VAV3: variants seen among roughly 807,000 people sequenced by gnomAD.
VAV3 encodes guanine nucleotide exchange factor VAV3.
Under a neutral mutation model 131.2 loss-of-function variants are expected in VAV3, and 94 were observed. That is an observed-to-expected ratio of 0.72 (90% confidence interval 0.61 to 0.85). VAV3 has a LOEUF of 0.85. Among genes scored for constraint, VAV3 ranks in the 40% least tolerant of loss-of-function variants. The pLI is 0.00. For synonymous variants in VAV3, 349 were observed against 342.0 expected (o/e 1.02, Z -0.22); for missense variants, 939 against 1,002.7 (o/e 0.94, Z 0.86).
chr1:107,727,500 C>A (rs1272888370), intron 15 of VAV3, among the ~76,000 whole-genome samples: 1 of 152,168 alleles, frequency 6.6e-6, no homozygotes, highest in Non-Finnish European at 1.5e-5. Flanking sequence ...TTTATGAAAT[C>A]AGGTTTATTG....
At chr1:107,873,799 G>A (rs439278) in intron 2 of VAV3, among the ~76,000 whole-genome samples, 31,221 of 151,946 alleles carry the variant, frequency 0.21, 4,524 homozygotes, top group African/African-American at 0.41. Context: ...CCTGATGCCT[G>A]AGAAGGCTGG....
intron 1 of VAV3, among the ~76,000 whole-genome samples, chr1:107,908,164 G>C (rs548656319): frequency 6.6e-6 from 1 of 152,322 alleles, no homozygotes; most frequent in African/African-American, 2.4e-5. Context: ...TTTTGGCTTA[G>C]GTTCTGTGGA....
At chr1:107,848,797 G>A (rs540811896) in intron 2 of VAV3, among the ~76,000 whole-genome samples, 1 of 152,286 alleles carries the variant, frequency 6.6e-6, no homozygotes, top group Non-Finnish European at 1.5e-5. Context: ...TCTGTTTGCA[G>A]ATGATATGAT....
At chr1:107,784,479 T>C (rs1049404259) in intron 2 of VAV3, among the ~76,000 whole-genome samples, 2 of 152,224 alleles carry the variant, frequency 1.3e-5, no homozygotes, top group Non-Finnish European at 2.9e-5. Flanking sequence ...GATTTTGCTA[T>C]AGGAAAGATT....
intron 13 of VAV3, 23 bp downstream of exon 13, chr1:107,751,094 A>C (rs377490158): frequency 6.3e-7 from 1 of 1,596,624 alleles, no homozygotes; most frequent in African/African-American, 1.4e-5. Flanking sequence ...CTTATTTTGA[A>C]AATAGTATTC....
intron 15 of VAV3, among the ~76,000 whole-genome samples, chr1:107,723,341 T>C (rs1661617668): frequency 6.6e-6 from 1 of 152,020 alleles, no homozygotes; most frequent in Admixed American, 6.6e-5. Flanking sequence ...TTCTGTGTTT[T>C]CTCTCCACAC....
intron 11 of VAV3, among the ~76,000 whole-genome samples, chr1:107,756,332 C>T (rs1358360872): frequency 1.3e-5 from 2 of 152,128 alleles, no homozygotes; most frequent in Non-Finnish European, 2.9e-5. Context: ...GGACAGAACT[C>T]TGCAAAAAGC....
At chr1:107,925,686 T>C (rs1673116099) in intron 1 of VAV3, among the ~76,000 whole-genome samples, 2 of 152,056 alleles carry the variant, frequency 1.3e-5, no homozygotes, top group East Asian at 3.9e-4. Context: ...GAAGGGGGAA[T>C]AGGAAATTAC....
chr1:107,876,061 G>A (rs753225950), intron 1 of VAV3, among the ~76,000 whole-genome samples: 1 of 152,132 alleles, frequency 6.6e-6, no homozygotes, highest in Admixed American at 6.5e-5. Flanking sequence ...AGGAAAAGAG[G>A]AGGAGCTCAC....
chr1:107,922,675 G>A (rs59053660), intron 1 of VAV3, among the ~76,000 whole-genome samples: 14,420 of 151,992 alleles, frequency 0.095, 807 homozygotes, highest in African/African-American at 0.15. Context: ...CAATTTGGCC[G>A]GGCGCGGTGG....
At chr1:107,770,784 C>A (rs966218629) in intron 5 of VAV3, 56 bp from the exon 6 acceptor site, 17 of 1,406,100 alleles carry the variant, frequency 1.2e-5, no homozygotes, top group Non-Finnish European at 1.7e-5. Context: ...ATTAACCTAT[C>A]GGGAAGTAGA....
At chr1:107,957,363 C>T (rs551525785) in intron 1 of VAV3, among the ~76,000 whole-genome samples, 6 of 152,302 alleles carry the variant, frequency 3.9e-5, no homozygotes, top group South Asian at 2.1e-4. Flanking sequence ...GTCCTGCTCA[C>T]GCCTAGTTTT....
chr1:107,923,201 T>C (rs1020957732), intron 1 of VAV3, among the ~76,000 whole-genome samples: 1 of 152,154 alleles, frequency 6.6e-6, no homozygotes, highest in East Asian at 1.9e-4. Context: ...TGGACTCATA[T>C]GGTATATTTC....
At chr1:107,953,756 C>T (rs538459364) in intron 1 of VAV3, among the ~76,000 whole-genome samples, 1 of 152,106 alleles carries the variant, frequency 6.6e-6, no homozygotes. Flanking sequence ...TAGGGAAGCA[C>T]GACGCTTGTT....
At chr1:107,705,219 C>T (rs1257040590) in intron 15 of VAV3, among the ~76,000 whole-genome samples, 158 bp from the exon 16 acceptor site, 1 of 152,052 alleles carries the variant, frequency 6.6e-6, no homozygotes, top group Non-Finnish European at 1.5e-5. Context: ...CAAAAGTATG[C>T]TATGCATTCA....
intron 17 of VAV3, among the ~76,000 whole-genome samples, chr1:107,698,607 G>C (rs1298245694): frequency 6.6e-6 from 1 of 152,138 alleles, no homozygotes; most frequent in African/African-American, 2.4e-5. Context: ...CACTAAATAG[G>C]GGTATTTGCT....
At chr1:107,717,455 T>G (rs61192238) in intron 15 of VAV3, among the ~76,000 whole-genome samples, 1,569 of 152,332 alleles carry the variant, frequency 0.01, 32 homozygotes, top group African/African-American at 0.034. Context: ...TCTCATTGGT[T>G]TCAAAGAACA....
intron 2 of VAV3, among the ~76,000 whole-genome samples, chr1:107,853,202 A>AC (rs1669305936): frequency 6.6e-6 from 1 of 152,082 alleles, no homozygotes; most frequent in South Asian, 2.1e-4. Flanking sequence ...CTGGAATCCG[A>AC]CCCCATGGGT....
At chr1:107,669,559 A>G (rs1657636540) in intron 19 of VAV3, 3 of 1,210,062 alleles carry the variant, frequency 2.5e-6, no homozygotes, top group South Asian at 3.0e-5. Flanking sequence ...GATACTCGGT[A>G]GCTGATGGTT....
Sources: gnomAD v4.1 joint callset for allele counts (sites outside exome capture counted in the v4.1 genomes callset) on GRCh38, gnomAD v4.1.1 for gene constraint, MANE v1.5 for transcripts, NCBI Gene and HGNC (gene_info 2026-07-23, HGNC 2026-07-21) for gene names.